Variants in MAP2K3 observed in about 807,000 individuals in gnomAD.
MAP2K3 encodes dual specificity mitogen-activated protein kinase kinase 3.
MAP2K3 carries 30 observed loss-of-function variants against 46.4 expected under a neutral mutation model. That is an observed-to-expected ratio of 0.65 (90% CI 0.48 to 0.88). The LOEUF (loss-of-function observed/expected upper bound fraction) is 0.88, where lower values mean the gene tolerates loss of function less well. Among genes scored for constraint, MAP2K3 ranks in the 40% least tolerant of loss-of-function variants. The pLI is 0.00. For missense variants in MAP2K3, 380 were observed against 464.5 expected, an observed-to-expected ratio of 0.82 and a Z score of 1.67; for synonymous variants, 189 against 176.3, an observed-to-expected ratio of 1.07 and a Z score of -0.57.
intron 1 of MAP2K3, chr17:21,291,651 G>A (rs757037447): frequency 4.4e-6 from 2 of 450,978 alleles, no homozygotes; most frequent in African/African-American, 4.0e-5. Flanking sequence ...CTGCCCCACA[G>A]TGTGGGAGCC....
chr17:21,313,370 T>C (rs1488256113), intron 10 of MAP2K3, 122 bp from the exon 11 acceptor site: 1 of 742,988 alleles, frequency 1.3e-6, no homozygotes, highest in Non-Finnish European at 2.3e-6. Flanking sequence ...CTGTCCCTTC[T>C]TCCCTGGGTG....
At chr17:21,298,275 C>A in intron 1 of MAP2K3, 138 bp from the exon 2 acceptor site, 1 of 1,283,426 alleles carries the variant, frequency 7.8e-7, no homozygotes, top group Non-Finnish European at 1.1e-6. Flanking sequence ...AACGGCCTGG[C>A]TTGGAGAGAG....
At chr17:21,308,626 G>A (rs1977016496) in intron 9 of MAP2K3, among the ~76,000 whole-genome samples, 1 of 152,098 alleles carries the variant, frequency 6.6e-6, no homozygotes, top group African/African-American at 2.4e-5. Context: ...TTTTTGAGGT[G>A]GAGAGGAATA....
intron 6 of MAP2K3, among the ~76,000 whole-genome samples, chr17:21,302,974 C>T (rs1976689573): frequency 6.6e-6 from 1 of 152,306 alleles, no homozygotes; most frequent in Non-Finnish European, 1.5e-5. Context: ...TGAGAGGAGG[C>T]AGGAGGCCGA....
At chr17:21,301,796 C>T (rs769502554) in intron 5 of MAP2K3, among the ~76,000 whole-genome samples, 10 of 152,306 alleles carry the variant, frequency 6.6e-5, no homozygotes, top group East Asian at 1.9e-4. Context: ...GGGTGTCTGT[C>T]GGTCAGCAGG....
rs1976694683 is a variant in MAP2K3, at chr17:21,303,068, T to C, written c.517-115T>C. The C allele has an allele frequency of 9.5e-6, 13 of 1,375,010 alleles. No individual in the cohort carries two copies. In the South Asian group the frequency reaches 1.7e-4, roughly 18 times the overall value. 85.2% of individuals were successfully genotyped at this position (1,375,010 alleles called of 1,614,324 possible). On this transcript the variant is annotated intron_variant, in intron 6 of 11. Coordinates refer to ENST00000342679, the MANE Select transcript of MAP2K3 (RefSeq NM_145109.3). ...CTGGGATGAGAGGGTGCGTAGCCTG[T>C]GCAGCGGGAGCGGGAGACAGGTGGA...
chr17:21,303,338 A>G (rs1976712074), intron 7 of MAP2K3, 104 bp downstream of exon 7: 5 of 1,515,658 alleles, frequency 3.3e-6, no homozygotes, highest in African/African-American at 2.7e-5. Context: ...CCGAGAGGTG[A>G]TAGGTTGTGA....
intron 1 of MAP2K3, chr17:21,295,623 C>T: frequency 7.8e-7 from 1 of 1,287,542 alleles, no homozygotes; most frequent in South Asian, 1.2e-5. Flanking sequence ...AGCTGGGTGG[C>T]TTCCCCATGG....
chr17:21,298,287 G>A (rs1056101458), intron 1 of MAP2K3, 126 bp from the exon 2 acceptor site: 3 of 1,375,588 alleles, frequency 2.2e-6, no homozygotes, highest in South Asian at 2.3e-5. Context: ...TGGAGAGAGG[G>A]GGCTCCCGGC....
intron 1 of MAP2K3, chr17:21,291,640 C>A (rs751262516): frequency 2.9e-5 from 13 of 454,780 alleles, no homozygotes; most frequent in South Asian, 1.9e-4. Flanking sequence ...GAGCATGGGG[C>A]CTGCCCCACA....
At chr17:21,299,172 G>T (rs538912624) in intron 3 of MAP2K3, among the ~76,000 whole-genome samples, 1 of 152,430 alleles carries the variant, frequency 6.6e-6, no homozygotes, top group East Asian at 1.9e-4. Context: ...TGGTAGGAAG[G>T]TTTCTGAGCT....
intron 3 of MAP2K3, 158 bp from the exon 4 acceptor site, chr17:21,300,387 C>G: frequency 1.4e-6 from 1 of 731,814 alleles, no homozygotes; most frequent in Non-Finnish European, 2.3e-6. Flanking sequence ...GGTTAAGTGA[C>G]TTGCTGAGGG....
intron 11 of MAP2K3, chr17:21,313,874 G>A: frequency 1.7e-6 from 1 of 574,308 alleles, no homozygotes; most frequent in East Asian, 2.9e-5. Context: ...TGGAGAGGCT[G>A]TCCCAAGCAG....
At chr17:21,290,112 C>T (rs775612417) in intron 1 of MAP2K3, among the ~76,000 whole-genome samples, 8 of 152,200 alleles carry the variant, frequency 5.3e-5, no homozygotes, top group Non-Finnish European at 8.8e-5. Context: ...CCAGTGTGTG[C>T]GGTGATGCGG....
intron 1 of MAP2K3, among the ~76,000 whole-genome samples, chr17:21,289,398 TG>T (rs1241490828): frequency 3.8e-5 from 5 of 130,234 alleles, no homozygotes; most frequent in Non-Finnish European, 7.9e-5. Flanking sequence ...CAAGAGGGCC[TG>T]GGGTCATGGT....
chr17:21,312,450 G>A (rs1007825312), intron 10 of MAP2K3, among the ~76,000 whole-genome samples, 169 bp downstream of exon 10: 1 of 152,182 alleles, frequency 6.6e-6, no homozygotes, highest in Non-Finnish European at 1.5e-5. Context: ...TTGACAAAAC[G>A]ATGGTCTTGG....
At chr17:21,293,441 G>A (rs1200991914) in intron 1 of MAP2K3, among the ~76,000 whole-genome samples, 30 of 152,418 alleles carry the variant, frequency 2.0e-4, no homozygotes, top group African/African-American at 7.0e-4. Context: ...TTGGGCGGGA[G>A]GACCCTCTGG....
At chr17:21,310,809 A>AT (rs1977126039) in intron 9 of MAP2K3, among the ~76,000 whole-genome samples, 1 of 152,232 alleles carries the variant, frequency 6.6e-6, no homozygotes, top group African/African-American at 2.4e-5. Flanking sequence ...AAAACACCAT[A>AT]TGGCACATCT....
chr17:21,288,010 C>G (rs1352306724), intron 1 of MAP2K3: 1 of 1,288,888 alleles, frequency 7.8e-7, no homozygotes, highest in Non-Finnish European at 1.0e-6. Context: ...TGTCAGCCAA[C>G]CCATGGCCCA....
Sources: allele counts gnomAD v4.1 joint callset (sites outside exome capture counted in the v4.1 genomes callset), GRCh38; gene constraint gnomAD v4.1.1; transcripts MANE v1.5; gene names NCBI Gene and HGNC (gene_info 2026-07-23, HGNC 2026-07-21).